The following PTPRK variants were observed in gnomAD, a reference collection of about 807,000 sequenced individuals.
PTPRK encodes the protein receptor-type tyrosine-protein phosphatase kappa.
A neutral mutation model predicts 178.0 loss-of-function variants in PTPRK; 75 were observed. The observed-to-expected ratio is 0.42, with a 90% CI of 0.35 to 0.51. The LOEUF (loss-of-function observed/expected upper bound fraction) is 0.51, where lower values mean the gene tolerates loss of function less well. Ranked by LOEUF, PTPRK falls within the 20% of genes least tolerant of loss-of-function variation. The probability of loss-of-function intolerance (pLI) is 0.02; values close to 1 mark genes in which losing one functional copy is unlikely to be tolerated. For missense variants in PTPRK, 1,441 were observed against 1,797.8 expected (o/e 0.80, Z 3.59); for synonymous variants, 637 against 620.6 (o/e 1.03, Z -0.39).
intron 12 of PTPRK, among the ~76,000 whole-genome samples, chr6:128,066,930 GGAAACA>G (rs1465668320): frequency 6.6e-6 from 1 of 152,102 alleles, no homozygotes; most frequent in East Asian, 1.9e-4. Context: ...GGGCAACCAG[GGAAACA>G]GAGAGCAGCC....
At chr6:127,978,313 T>C (rs1774850576) in intron 25 of PTPRK, among the ~76,000 whole-genome samples, 1 of 152,182 alleles carries the variant, frequency 6.6e-6, no homozygotes, top group Non-Finnish European at 1.5e-5. Flanking sequence ...GTGGAGATAA[T>C]TGAATCATGC....
At chr6:128,473,404 A>ATTTTTTTTTT (rs67418131) in intron 1 of PTPRK, among the ~76,000 whole-genome samples, 3 of 90,872 alleles carry the variant, frequency 3.3e-5, no homozygotes, top group Admixed American at 1.3e-4. Context: ...TATGGTTACT[A>ATTTTTTTTTT]TTTTTTTTTT....
At chr6:127,980,177 G>A (rs912264830) in intron 25 of PTPRK, among the ~76,000 whole-genome samples, 6 of 152,334 alleles carry the variant, frequency 3.9e-5, no homozygotes, top group Admixed American at 3.9e-4. Context: ...GTGCATGGTG[G>A]TGCATGCCTG....
At chr6:128,300,073 G>C (rs940860798) in intron 3 of PTPRK, among the ~76,000 whole-genome samples, 15 of 152,290 alleles carry the variant, frequency 9.8e-5, no homozygotes, top group African/African-American at 3.4e-4. Context: ...GACATGAACA[G>C]ACACTTCTCA....
chr6:127,976,470 G>A (rs1774605923), intron 27 of PTPRK, among the ~76,000 whole-genome samples, 187 bp downstream of exon 27: 1 of 152,132 alleles, frequency 6.6e-6, no homozygotes, highest in Non-Finnish European at 1.5e-5. Context: ...GAAAAACCTA[G>A]CTTCCAGCAT....
intron 7 of PTPRK, among the ~76,000 whole-genome samples, chr6:128,149,793 C>A (rs1797008607): frequency 6.6e-6 from 1 of 152,122 alleles, no homozygotes; most frequent in Admixed American, 6.6e-5. Flanking sequence ...TCCTCTCTTC[C>A]TCCTTGTTCC....
chr6:128,418,668 C>G (rs1487849153), intron 1 of PTPRK, among the ~76,000 whole-genome samples: 1 of 152,070 alleles, frequency 6.6e-6, no homozygotes, highest in Non-Finnish European at 1.5e-5. Context: ...AACCACTGTC[C>G]TAAAGCATCT....
At chr6:128,336,433 G>A (rs1830939276) in intron 2 of PTPRK, among the ~76,000 whole-genome samples, 1 of 152,130 alleles carries the variant, frequency 6.6e-6, no homozygotes, top group Non-Finnish European at 1.5e-5. Flanking sequence ...CAACAATCAA[G>A]CACAGATGTC....
intron 3 of PTPRK, among the ~76,000 whole-genome samples, chr6:128,300,134 C>T (rs9402033): frequency 0.047 from 7,186 of 152,208 alleles, 412 homozygotes; most frequent in East Asian, 0.33. Flanking sequence ...CTCACCATCA[C>T]GGGCCAACAG....
chr6:127,996,521 G>T (rs1777170089), intron 17 of PTPRK, among the ~76,000 whole-genome samples: 1 of 152,148 alleles, frequency 6.6e-6, no homozygotes, highest in Admixed American at 6.6e-5. Flanking sequence ...GCCCAGGCTG[G>T]AGTGCAGTAA....
chr6:128,099,600 C>T (rs544789279), intron 7 of PTPRK, among the ~76,000 whole-genome samples: 50 of 152,148 alleles, frequency 3.3e-4, no homozygotes, highest in Non-Finnish European at 5.6e-4. Flanking sequence ...AACAATTCTA[C>T]ATTATAATAG....
At chr6:128,310,530 G>A (rs56241890) in intron 3 of PTPRK, among the ~76,000 whole-genome samples, 12,322 of 152,128 alleles carry the variant, frequency 0.081, 572 homozygotes, top group African/African-American at 0.12. Flanking sequence ...CAGGCCCATA[G>A]CTAAATAACT....
chr6:128,420,117 T>C (rs1384873590), intron 1 of PTPRK, among the ~76,000 whole-genome samples: 8 of 152,222 alleles, frequency 5.3e-5, no homozygotes, highest in Non-Finnish European at 2.9e-5. Flanking sequence ...GTATTCAGCC[T>C]ACCTTGCACT....
intron 3 of PTPRK, among the ~76,000 whole-genome samples, chr6:128,291,764 G>A (rs561160631): frequency 7.2e-5 from 11 of 152,118 alleles, no homozygotes; most frequent in African/African-American, 2.2e-4. Context: ...TGTTTGGCAT[G>A]GTGTTTTAAC....
At chr6:128,241,836 C>T (rs1049019619) in intron 4 of PTPRK, among the ~76,000 whole-genome samples, 1 of 146,146 alleles carries the variant, frequency 6.8e-6, no homozygotes, top group African/African-American at 2.6e-5. Flanking sequence ...GGCTGGAGTG[C>T]AGTGGTGCAA....
intron 3 of PTPRK, among the ~76,000 whole-genome samples, chr6:128,277,676 A>G (rs892958620): frequency 5.3e-5 from 8 of 152,206 alleles, no homozygotes; most frequent in African/African-American, 1.9e-4. Context: ...ATATTAATTT[A>G]TGTGAGGTTA....
At chr6:128,034,971 C>A (rs774468904) in intron 13 of PTPRK, among the ~76,000 whole-genome samples, 2 of 152,136 alleles carry the variant, frequency 1.3e-5, no homozygotes, top group Non-Finnish European at 2.9e-5. Flanking sequence ...TGAAAATTTG[C>A]AAACTACTTA....
chr6:128,121,378 TG>T (rs1792436867), intron 7 of PTPRK, among the ~76,000 whole-genome samples: 1 of 151,996 alleles, frequency 6.6e-6, no homozygotes, highest in Non-Finnish European at 1.5e-5. Context: ...AAATATTTAC[TG>T]TTCACAGGAG....
intron 13 of PTPRK, among the ~76,000 whole-genome samples, chr6:128,032,134 C>T (rs1391839166): frequency 6.6e-6 from 1 of 152,158 alleles, no homozygotes; most frequent in Non-Finnish European, 1.5e-5. Flanking sequence ...TCTCTAATGT[C>T]CAGCTTCTTG....
Sources: gnomAD v4.1 joint callset for allele counts (sites outside exome capture counted in the v4.1 genomes callset) on GRCh38, gnomAD v4.1.1 for gene constraint, MANE v1.5 for transcripts, NCBI Gene and HGNC (gene_info 2026-07-23, HGNC 2026-07-21) for gene names.